The following ELFN2 variants were observed in gnomAD, a reference collection of about 807,000 sequenced individuals.
The protein encoded by ELFN2 is extracellular leucine rich repeat and fibronectin type III domain containing 2, also known as protein phosphatase 1 regulatory subunit 29.
A neutral mutation model predicts 45.5 loss-of-function variants in ELFN2; 17 were observed. The observed-to-expected ratio is 0.37, with a 90% CI of 0.26 to 0.56. ELFN2 has a LOEUF of 0.56. Among genes scored for constraint, ELFN2 ranks in the 20% least tolerant of loss-of-function variants. The pLI, the probability that ELFN2 is intolerant of heterozygous loss-of-function variation, is 0.77. For missense variants in ELFN2, 922 were observed against 1,183.2 expected, an observed-to-expected ratio of 0.78 and a Z score of 3.24; for synonymous variants, 550 against 551.5, an observed-to-expected ratio of 1.00 and a Z score of 0.04.
intron 2 of ELFN2, among the ~76,000 whole-genome samples, chr22:37,395,887 G>T (rs1932202628): frequency 6.6e-6 from 1 of 152,166 alleles, no homozygotes; most frequent in African/African-American, 2.4e-5. Flanking sequence ...GCAGGTCCCT[G>T]TCTGCTGTCA....
At chr22:37,387,213 A>G (rs751757378) in intron 2 of ELFN2, among the ~76,000 whole-genome samples, 13 of 151,928 alleles carry the variant, frequency 8.6e-5, no homozygotes, top group Non-Finnish European at 1.8e-4. Context: ...AGGCCCCCCA[A>G]TAGCCTGCTC....
chr22:37,426,458 CAGAG>C (rs1932850553), intron 1 of ELFN2, among the ~76,000 whole-genome samples: 1 of 151,854 alleles, frequency 6.6e-6, no homozygotes, highest in Non-Finnish European at 1.5e-5. Context: ...TGTATACAGA[CAGAG>C]AGCAGGGTCC....
chr22:37,343,268 C>G (rs1930604433), intron 1 of ELFN2, among the ~76,000 whole-genome samples: 1 of 152,140 alleles, frequency 6.6e-6, no homozygotes, highest in African/African-American at 2.4e-5. Flanking sequence ...CTGCAACGGT[C>G]TGTGTCCCAG....
At chr22:37,394,844 C>T (rs989042556) in intron 2 of ELFN2, among the ~76,000 whole-genome samples, 3 of 152,204 alleles carry the variant, frequency 2.0e-5, no homozygotes, top group East Asian at 1.9e-4. Flanking sequence ...ATGGCTCACG[C>T]CTGTAATCCC....
intron 2 of ELFN2, among the ~76,000 whole-genome samples, chr22:37,393,075 C>T (rs533653868): frequency 5.3e-5 from 8 of 152,248 alleles, no homozygotes; most frequent in African/African-American, 1.9e-4. Context: ...CGCCCAGGCC[C>T]CGGGGCTAGC....
chr22:37,403,172 C>T (rs1410612734), intron 2 of ELFN2, among the ~76,000 whole-genome samples: 2 of 151,882 alleles, frequency 1.3e-5, no homozygotes, highest in Non-Finnish European at 2.9e-5. Context: ...AGGTATCACT[C>T]CATGATGCCC....
chr22:37,362,270 C>T (rs9622608), intron 1 of ELFN2, among the ~76,000 whole-genome samples: 50,586 of 152,128 alleles, frequency 0.33, 9,544 homozygotes, highest in Admixed American at 0.55. Flanking sequence ...CCTGGTGCCA[C>T]CTGCCTCCTC....
chr22:37,419,706 G>A (rs1039809615), intron 1 of ELFN2, among the ~76,000 whole-genome samples: 2 of 152,140 alleles, frequency 1.3e-5, no homozygotes, highest in Admixed American at 6.5e-5. Context: ...CACACACAGG[G>A]AACCACTCCC....
intron 2 of ELFN2, among the ~76,000 whole-genome samples, chr22:37,397,954 G>T (rs576340801): frequency 6.6e-6 from 1 of 152,158 alleles, no homozygotes; most frequent in African/African-American, 2.4e-5. Flanking sequence ...CTGAGCGGAC[G>T]TCTGCACTGG....
At chr22:37,411,835 A>G (rs1327879684) in intron 2 of ELFN2, among the ~76,000 whole-genome samples, 1 of 152,092 alleles carries the variant, frequency 6.6e-6, no homozygotes, top group Non-Finnish European at 1.5e-5. Flanking sequence ...CATTTCACAG[A>G]TAAGAAAACT....
intron 1 of ELFN2, among the ~76,000 whole-genome samples, chr22:37,350,984 C>T (rs73164580): frequency 2.0e-5 from 3 of 149,958 alleles, no homozygotes; most frequent in East Asian, 1.9e-4. Context: ...CAGTGGGCCG[C>T]GGGACCCCGG....
chr22:37,397,853 A>G (rs955318698), intron 2 of ELFN2, among the ~76,000 whole-genome samples: 1 of 152,132 alleles, frequency 6.6e-6, no homozygotes, highest in Non-Finnish European at 1.5e-5. Flanking sequence ...CACCCGGGAA[A>G]GAACACCAAG....
At chr22:37,404,442 G>A (rs1309978100) in intron 2 of ELFN2, among the ~76,000 whole-genome samples, 1 of 152,058 alleles carries the variant, frequency 6.6e-6, no homozygotes, top group East Asian at 1.9e-4. Context: ...GGGTCTGGGT[G>A]GGTGGCTGAG....
intron 2 of ELFN2, among the ~76,000 whole-genome samples, chr22:37,412,405 CAGGGCACTCACTCCCCTTCCCAA>C (rs1265843725): frequency 6.6e-6 from 1 of 152,104 alleles, no homozygotes; most frequent in Admixed American, 6.5e-5. Context: ...CTCCCTCAGA[CAGGGCACTCACTCCCCTTCCCAA>C]AGACTAAGAG....
rs1173930209 is a variant in ELFN2 at position 37,417,056 on chromosome 22, C to G, written c.-463+713G>C. Among the ~76,000 whole-genome samples, 1 of 152,064 alleles carries G rather than the reference C, an allele frequency of 6.6e-6. No individual in the cohort carries two copies. Among genetic ancestry groups the G allele is most frequent in the Non-Finnish European group, 1.5e-5 (1 of 67,978 alleles). ...CCTCACCACGGCAACCACCGTCACTCAGCGCCGCCTGGACAACAGCTCCCT... is the reference window on the plus strand; with the variant it reads ...CCTCACCACGGCAACCACCGTCACTGAGCGCCGCCTGGACAACAGCTCCCT... On this transcript the variant is annotated intron_variant, in intron 2 of 2. Transcript: ENST00000402918. The surrounding 1 kb of genome is among the most constrained non-coding windows in gnomAD (Gnocchi z 4.5).
rs911271775 is a variant in ELFN2 at position 37,372,927 on chromosome 22, T to TGTGC, written c.*141_*144dup. On this transcript the variant is annotated 3_prime_UTR_variant, in exon 3 of 3. Transcript: ENST00000402918. The surrounding 1 kb of genome is among the most constrained non-coding windows in gnomAD (Gnocchi z 4.4). Reference sequence around the variant, plus strand: ...CAGTCGGGTGGTGGTCAGGTGTGTGTGTGCGTGCGTGCGTGCGGGTCTGCA... The same window carrying TGTGC: ...CAGTCGGGTGGTGGTCAGGTGTGTGTGTGCGTGCGTGCGTGCGTGCGGGTCTGCA... 54 of 799,272 alleles carry TGTGC rather than the reference T, an allele frequency of 6.8e-5. No homozygotes were observed. The East Asian group carries it at 6.8e-4, about 10-fold the overall frequency. The allele number at this position is 799,272 out of a possible 1,614,324, so 49.5% of individuals were successfully genotyped here.
intron 2 of ELFN2, among the ~76,000 whole-genome samples, chr22:37,416,551 G>A (rs1932761410): frequency 6.6e-6 from 1 of 152,204 alleles, no homozygotes; most frequent in Non-Finnish European, 1.5e-5. Context: ...GAGGGCTCAA[G>A]GAGGCAGAGG....
chr22:37,366,641 G>C (rs1448932671), downstream of ELFN2, among the ~76,000 whole-genome samples: 1 of 152,238 alleles, frequency 6.6e-6, no homozygotes, highest in African/African-American at 2.4e-5. Flanking sequence ...GGCCTGAGGG[G>C]ACAGAGCCTG....
chr22:37,421,685 C>T (rs915337057), intron 1 of ELFN2, among the ~76,000 whole-genome samples: 9 of 152,194 alleles, frequency 5.9e-5, no homozygotes, highest in Non-Finnish European at 8.8e-5. Flanking sequence ...TGTGTGTGCA[C>T]GCGCCATCTG....
Sources: allele counts gnomAD v4.1 joint callset (sites outside exome capture counted in the v4.1 genomes callset), GRCh38; gene constraint gnomAD v4.1.1; non-coding constraint Gnocchi (gnomAD v3.1); transcripts MANE v1.5; gene names NCBI Gene and HGNC (gene_info 2026-07-23, HGNC 2026-07-21).